Variants in SMURF1 observed in about 807,000 individuals in gnomAD.
The protein encoded by SMURF1 is SMAD specific E3 ubiquitin protein ligase 1.
A neutral mutation model predicts 98.0 loss-of-function variants in SMURF1; 44 were observed. The observed-to-expected ratio is 0.45, with a 90% CI of 0.35 to 0.58. SMURF1 has a LOEUF of 0.58. Among genes scored for constraint, SMURF1 ranks in the 20% least tolerant of loss-of-function variants. The pLI, the probability that SMURF1 is intolerant of heterozygous loss-of-function variation, is 0.00. For synonymous variants in SMURF1, 396 were observed against 374.9 expected, an observed-to-expected ratio of 1.06 and a Z score of -0.65; for missense variants, 687 against 938.4, an observed-to-expected ratio of 0.73 and a Z score of 3.50.
At chr7:99,109,633 C>T (rs552829701) in intron 1 of SMURF1, among the ~76,000 whole-genome samples, 4 of 152,306 alleles carry the variant, frequency 2.6e-5, no homozygotes, top group African/African-American at 9.6e-5. Context: ...TGTATTTTGT[C>T]AGCCTTTGAA....
At position 99,089,519 on chromosome 7, in the gene SMURF1, T is replaced by A. The variant is rs541709622; in HGVS notation, c.56-27682A>T. 2.2e-4 allele frequency among the ~76,000 whole-genome samples: 34 copies of A among 152,110 alleles called. No homozygotes were observed. The East Asian group carries it at 6.2e-3, about 28-fold the overall frequency. On this transcript the variant is annotated intron_variant, in intron 1 of 17. Coordinates refer to ENST00000361368, the MANE Select transcript of SMURF1 (RefSeq NM_181349.3). ...AGCTGGGTGTGGTGGTGTGTGCCTG[T>A]AATCCCAGCTACTCAGGAGGCTGAG...
chr7:99,033,177 C>T (rs751818797), intron 16 of SMURF1, 56 bp from the exon 17 acceptor site: 235 of 1,519,800 alleles, frequency 1.5e-4, no homozygotes, highest in Non-Finnish European at 1.8e-4. Flanking sequence ...TGGCGCTTCC[C>T]GGCCACACAG....
intron 17 of SMURF1, chr7:99,031,387 C>T (rs1204390613): frequency 1.3e-5 from 2 of 152,178 alleles, no homozygotes; most frequent in Non-Finnish European, 2.9e-5. Context: ...AAAAGACATC[C>T]TTTAAGAAGC....
At chr7:99,037,219 A>AC in intron 14 of SMURF1, 32 bp from the exon 15 acceptor site, 2 of 1,613,230 alleles carry the variant, frequency 1.2e-6, no homozygotes, top group Non-Finnish European at 1.7e-6. Flanking sequence ...TGGATGCAAC[A>AC]CCAAGTGGAT....
chr7:99,108,151 T>C (rs1159594657), intron 1 of SMURF1, among the ~76,000 whole-genome samples: 3 of 152,124 alleles, frequency 2.0e-5, no homozygotes, highest in Admixed American at 6.5e-5. Context: ...CACTTGGCCA[T>C]TGTTGCTGTG....
chr7:99,088,934 G>A (rs1194289478), intron 1 of SMURF1, among the ~76,000 whole-genome samples: 2 of 152,062 alleles, frequency 1.3e-5, no homozygotes, highest in African/African-American at 4.8e-5. Context: ...GGCTGGGTGC[G>A]CTGGCTCACG....
At chr7:99,098,289 A>T (rs1796998204) in intron 1 of SMURF1, among the ~76,000 whole-genome samples, 2 of 152,208 alleles carry the variant, frequency 1.3e-5, no homozygotes, top group African/African-American at 4.8e-5. Context: ...GGAGACGATA[A>T]GATTTTAACC....
intron 16 of SMURF1, among the ~76,000 whole-genome samples, chr7:99,033,362 G>A (rs1268242562): frequency 6.6e-6 from 1 of 152,214 alleles, no homozygotes; most frequent in South Asian, 2.1e-4. Context: ...TCAGGCTGGA[G>A]TGCAGTGGGG....
intron 1 of SMURF1, among the ~76,000 whole-genome samples, chr7:99,081,888 G>A (rs1460519856): frequency 1.3e-5 from 2 of 152,158 alleles, no homozygotes; most frequent in African/African-American, 4.8e-5. Flanking sequence ...CCTAACCTCA[G>A]GTGATCCACC....
At chr7:99,087,213 A>G (rs182492839) in intron 1 of SMURF1, among the ~76,000 whole-genome samples, 1 of 151,852 alleles carries the variant, frequency 6.6e-6, no homozygotes, top group Non-Finnish European at 1.5e-5. Context: ...CTACAAAAAA[A>G]AAAAATTTTA....
At chr7:99,086,481 C>A (rs528528584) in intron 1 of SMURF1, among the ~76,000 whole-genome samples, 2 of 151,454 alleles carry the variant, frequency 1.3e-5, no homozygotes, top group South Asian at 4.2e-4. Context: ...AATGGTGCCA[C>A]CACTTTGGAA....
Position 99,061,669 on chromosome 7 carries a change from A to C in SMURF1, c.94+130T>G, listed in dbSNP as rs572411012. ...TAGTCAACCGGGAAATAAAGCTTGG[A>C]GAACCATGGATTTCTATTAAGTAAA... is the stretch of plus-strand genomic sequence containing the variant. On this transcript the variant is annotated intron_variant, in intron 2 of 17. Transcript: ENST00000361368. 82 of 578,466 alleles carry C rather than the reference A, an allele frequency of 1.4e-4. 1 individual carries two copies. The South Asian group carries it at 2.7e-3, about 19-fold the overall frequency. The allele number at this position is 578,466 out of a possible 1,614,324, so 35.8% of individuals were successfully genotyped here.
At chr7:99,061,878 G>A (rs1314446091) in intron 1 of SMURF1, 41 bp from the exon 2 acceptor site, 2 of 1,453,444 alleles carry the variant, frequency 1.4e-6, no homozygotes, top group African/African-American at 1.4e-5. Context: ...CATTAAAGAC[G>A]AGATTTCCAT....
At chr7:99,100,577 A>G (rs959054505) in intron 1 of SMURF1, among the ~76,000 whole-genome samples, 1 of 152,212 alleles carries the variant, frequency 6.6e-6, no homozygotes, top group African/African-American at 2.4e-5. Context: ...AAATAAAAAA[A>G]TAAAAATAAA....
intron 1 of SMURF1, among the ~76,000 whole-genome samples, chr7:99,100,800 TGTGAA>T (rs1465741160): frequency 6.6e-6 from 1 of 152,224 alleles, no homozygotes; most frequent in Non-Finnish European, 1.5e-5. Context: ...GATTTCATGA[TGTGAA>T]GTGAAGAGAT....
Position 99,037,105 on chromosome 7 carries a change from G to T in SMURF1, c.1771C>A (p.Gln591Lys). 7.4e-6 allele frequency: 12 copies of T among 1,614,148 alleles called. No individual in the cohort carries two copies. The highest frequency in any genetic ancestry group is 1.0e-5 in the Non-Finnish European group (12 of 1,180,046). ...TGGTCAAAAGGCTTCAGCAGATGTTGAGGGATGAGCTCATTGAACCCCTTC... is the reference window on the plus strand; with the variant it reads ...TGGTCAAAAGGCTTCAGCAGATGTTTAGGGATGAGCTCATTGAACCCCTTC... ...LQKGFNELIP[Q>K]HLLKPFDQKE... The change falls in exon 15 of 18, where the codon CAA becomes AAA. Residue 591 changes from glutamine (Q) to lysine (K), a missense_variant. Physicochemically the swap from Gln to Lys is moderately conservative, Grantham distance 53. This residue lies in a region of SMURF1 where 272 missense variants were observed against 430.0 expected (regional missense o/e 0.63). Coordinates refer to ENST00000361368, the MANE Select transcript of SMURF1 (RefSeq NM_181349.3).
chr7:99,097,512 T>G (rs1796980905), intron 1 of SMURF1, among the ~76,000 whole-genome samples: 2 of 152,228 alleles, frequency 1.3e-5, no homozygotes, highest in African/African-American at 4.8e-5. Context: ...GTTCAATCTC[T>G]TGCTCTCTCT....
At chr7:99,051,895 T>C (rs554727085) in intron 7 of SMURF1, among the ~76,000 whole-genome samples, 1 of 152,160 alleles carries the variant, frequency 6.6e-6, no homozygotes, top group South Asian at 2.1e-4. Context: ...ACACCTGTAA[T>C]CCCAGCACTT....
In SMURF1 at chr7:99,054,833, C is replaced by G. The variant is rs138171931; in HGVS notation, c.436G>C (p.Gly146Arg). The change falls in exon 6 of 18, where the codon GGC becomes CGC. Residue 146 changes from glycine to arginine, a missense_variant. Physicochemically the swap from Gly to Arg is moderately radical, Grantham distance 125. Transcript: ENST00000361368. ...CCTCTGCAGTCCACCACCGAGCCGC[C>G]GGTTCCTATTCTGTCTCGTGTCTGT... The part of the protein sequence containing the change: ...SLQTRDRIGT[G>R]GSVVDCRGLL... 1.1e-5 allele frequency: 18 copies of G among 1,613,706 alleles called. No individual in the cohort carries two copies. Among genetic ancestry groups the G allele is most frequent in the Non-Finnish European group, 1.4e-5 (17 of 1,179,884 alleles).
Sources: allele counts gnomAD v4.1 joint callset (sites outside exome capture counted in the v4.1 genomes callset), GRCh38; gene constraint gnomAD v4.1.1; regional missense constraint gnomAD v4.1.1; transcripts MANE v1.5; gene names NCBI Gene and HGNC (gene_info 2026-07-23, HGNC 2026-07-21).